SLC25A48: variants seen among roughly 807,000 people sequenced by gnomAD.
SLC25A48 encodes CTC-321K16.1.
SLC25A48 carries 29 observed loss-of-function variants against 32.2 expected under a neutral mutation model. The observed-to-expected ratio is 0.90, with a 90% CI of 0.67 to 1.23. The LOEUF is 1.23. SLC25A48 is among the 50% of genes most tolerant of loss of function. The pLI is 0.00. For missense variants in SLC25A48, 399 were observed against 422.7 expected (o/e 0.94, Z 0.49); for synonymous variants, 164 against 172.3 (o/e 0.95, Z 0.38).
At chr5:135,789,468 G>A (rs1046889775) in intron 3 of SLC25A48, among the ~76,000 whole-genome samples, 3 of 150,992 alleles carry the variant, frequency 2.0e-5, no homozygotes, top group Non-Finnish European at 2.9e-5. Flanking sequence ...GGAGAAGGTG[G>A]TATTACTTCC....
chr5:135,727,854 A>G (rs554916367), intron 3 of SLC25A48, among the ~76,000 whole-genome samples: 4 of 152,266 alleles, frequency 2.6e-5, no homozygotes, highest in African/African-American at 9.6e-5. Context: ...TATTTTAGCA[A>G]TTCCAGTTTC....
intron 1 of SLC25A48, among the ~76,000 whole-genome samples, chr5:135,621,240 C>A (rs1180828577): frequency 6.6e-6 from 1 of 152,202 alleles, no homozygotes; most frequent in Admixed American, 6.5e-5. Context: ...TTCCCATCTA[C>A]AAGGTTTCTG....
At chr5:135,804,188 A>T (rs1757405709) in intron 3 of SLC25A48, among the ~76,000 whole-genome samples, 1 of 151,466 alleles carries the variant, frequency 6.6e-6, no homozygotes, top group Admixed American at 6.6e-5. Flanking sequence ...GTGACATAGA[A>T]GTAATATCTC....
chr5:135,792,932 G>T (rs1489162763), intron 3 of SLC25A48, among the ~76,000 whole-genome samples: 2 of 150,304 alleles, frequency 1.3e-5, no homozygotes, highest in African/African-American at 4.9e-5. Context: ...ATCCTGGAAA[G>T]ATATTATTCA....
intron 1 of SLC25A48, among the ~76,000 whole-genome samples, chr5:135,589,376 A>T (rs1484789751): frequency 6.6e-6 from 1 of 152,202 alleles, no homozygotes; most frequent in Non-Finnish European, 1.5e-5. Flanking sequence ...GAACTGTGTC[A>T]TGGTTGTCAC....
At chr5:135,720,350 C>T (rs1183626627) in intron 3 of SLC25A48, among the ~76,000 whole-genome samples, 1 of 152,200 alleles carries the variant, frequency 6.6e-6, no homozygotes, top group Non-Finnish European at 1.5e-5. Context: ...ACTGGCTGGG[C>T]CCAGGCCCTT....
intron 1 of SLC25A48, among the ~76,000 whole-genome samples, chr5:135,614,253 C>T (rs930677490): frequency 5.3e-5 from 8 of 152,118 alleles, no homozygotes; most frequent in Non-Finnish European, 5.9e-5. Context: ...CCTTGAAACA[C>T]TACTGATTTT....
chr5:135,774,119 G>A (rs188182556), intron 3 of SLC25A48, among the ~76,000 whole-genome samples: 280 of 151,408 alleles, frequency 1.8e-3, no homozygotes, highest in South Asian at 0.017. Context: ...TCCCTATATC[G>A]AAGGGTGTGT....
At chr5:135,812,500 C>T (rs944495220) in intron 3 of SLC25A48, 1 of 152,198 alleles carries the variant, frequency 6.6e-6, no homozygotes, top group Non-Finnish European at 1.5e-5. Context: ...TATTGAATTT[C>T]AACTCTGTTT....
At chr5:135,832,491 A>T (rs1411499706), upstream of SLC25A48, among the ~76,000 whole-genome samples, 2 of 151,786 alleles carry the variant, frequency 1.3e-5, no homozygotes, top group Admixed American at 1.3e-4. Flanking sequence ...GTGGTTGGGG[A>T]GGTGGGAGCT....
At chr5:135,808,389 G>C (rs1429338169) in intron 3 of SLC25A48, among the ~76,000 whole-genome samples, 1 of 151,916 alleles carries the variant, frequency 6.6e-6, no homozygotes, top group Non-Finnish European at 1.5e-5. Flanking sequence ...AAGAAGCCAA[G>C]GATGATAAGA....
intron 3 of SLC25A48, among the ~76,000 whole-genome samples, chr5:135,648,220 G>A (rs1290083502): frequency 1.3e-5 from 2 of 152,160 alleles, no homozygotes; most frequent in African/African-American, 4.8e-5. Context: ...CTGGGGTCTG[G>A]CACTTTTAAC....
chr5:135,635,878 G>C (rs1376490259), intron 3 of SLC25A48, among the ~76,000 whole-genome samples: 4 of 152,144 alleles, frequency 2.6e-5, no homozygotes, highest in Non-Finnish European at 4.4e-5. Context: ...CGTTCCTTCT[G>C]TCTGACGTCT....
chr5:135,600,675 T>C (rs1285478311), intron 1 of SLC25A48, among the ~76,000 whole-genome samples: 1 of 137,000 alleles, frequency 7.3e-6, no homozygotes, highest in African/African-American at 2.9e-5. Context: ...TCTTTCTTTT[T>C]CTTTTTTATT....
intron 3 of SLC25A48, among the ~76,000 whole-genome samples, chr5:135,755,998 G>A (rs928687969): frequency 6.6e-6 from 1 of 151,462 alleles, no homozygotes; most frequent in Non-Finnish European, 1.5e-5. Context: ...TATTGTCAAC[G>A]GACATGAAAT....
rs541423909 is a variant in SLC25A48 at position 135,670,202 on chromosome 5, C to G, written c.-521+35246C>G. On this transcript the variant is annotated intron_variant, in intron 3 of 10. Coordinates refer to the SLC25A48 transcript ENST00000646290. ...TCTGTGGCTTTGGAGAGTCCCTTAA[C>G]TTTTCTGAGTCTCAGGTGTGAAAAG... 2.0e-5 allele frequency among the ~76,000 whole-genome samples: 3 copies of G among 152,130 alleles called. No individual in the cohort carries two copies. In the East Asian group the frequency reaches 5.8e-4, roughly 29 times the overall value.
intron 3 of SLC25A48, among the ~76,000 whole-genome samples, chr5:135,752,843 A>G (rs1021122535): frequency 4.6e-5 from 7 of 152,058 alleles, no homozygotes; most frequent in Non-Finnish European, 1.0e-4. Context: ...GATATGGATA[A>G]TATTACATGG....
In SLC25A48 at chr5:135,648,027, C is replaced by T. The variant is rs1753013840; in HGVS notation, c.-521+13071C>T. Among the ~76,000 whole-genome samples, 5 of 152,252 alleles carry T rather than the reference C, an allele frequency of 3.3e-5. 1 individual carries two copies. In the South Asian group the frequency reaches 1.0e-3, roughly 32 times the overall value. On this transcript the variant is annotated intron_variant, in intron 3 of 10. Transcript: ENST00000646290. ...TAGACTCTTCCTCTCTGGGCTCAGG[C>T]CTGTGTGGCCTGTGATGAGAGGCCT...
intron 1 of SLC25A48, among the ~76,000 whole-genome samples, chr5:135,617,146 G>A (rs1178069729): frequency 6.6e-6 from 1 of 152,022 alleles, no homozygotes; most frequent in Non-Finnish European, 1.5e-5. Context: ...TTCATTACTG[G>A]TCTGTTCAGG....
Sources: allele counts gnomAD v4.1 joint callset (sites outside exome capture counted in the v4.1 genomes callset), GRCh38; gene constraint gnomAD v4.1.1; transcripts MANE v1.5; gene names NCBI Gene and HGNC (gene_info 2026-07-23, HGNC 2026-07-21).